Variants in ERC2 observed in about 807,000 individuals in gnomAD.
ERC2 encodes the protein ELKS/RAB6-interacting/CAST family member 2, also known as ERC protein 2.
Under a neutral mutation model 114.8 loss-of-function variants are expected in ERC2, and 42 were observed. The observed-to-expected ratio is 0.37, with a 90% CI of 0.29 to 0.47. ERC2 has a LOEUF of 0.47. ERC2 is among the 20% of genes least tolerant of loss of function. ERC2 has a pLI of 0.99. For synonymous variants in ERC2, 454 were observed against 425.5 expected, an observed-to-expected ratio of 1.07 and a Z score of -0.82; for missense variants, 939 against 1,150.7, an observed-to-expected ratio of 0.82 and a Z score of 2.66.
At position 55,734,860 on chromosome 3, in the gene ERC2, A is replaced by G. The variant is rs375615476; in HGVS notation, c.2623T>C (p.Leu875=). ...GTCTTTTTCTTTTTGGAGGCAGACAATTCCAGCAAGGCAATGTTTGCATCT... is the reference window on the plus strand; with the variant it reads ...GTCTTTTTCTTTTTGGAGGCAGACAGTTCCAGCAAGGCAATGTTTGCATCT... ...EKDANIALLE[L]SASKKKKTQE... The change falls in exon 15 of 18, where the codon TTG becomes CTG. Residue 875 remains leucine (L), a synonymous_variant. Transcript: ENST00000288221. 7.4e-6 allele frequency: 12 copies of G among 1,612,476 alleles called. No individual in the cohort carries two copies. The highest frequency in any genetic ancestry group is 2.2e-5 in the East Asian group (1 of 44,806).
At chr3:55,585,144 C>T (rs756862644) in intron 17 of ERC2, among the ~76,000 whole-genome samples, 1 of 152,196 alleles carries the variant, frequency 6.6e-6, no homozygotes, top group Admixed American at 6.5e-5. Flanking sequence ...TCAAACAGTG[C>T]CATCCATTCG....
chr3:56,156,805 T>A (rs150736389), intron 4 of ERC2, among the ~76,000 whole-genome samples: 25 of 152,274 alleles, frequency 1.6e-4, no homozygotes, highest in African/African-American at 6.0e-4. Flanking sequence ...ACTAACTGCA[T>A]CAAAATCATC....
At chr3:56,320,775 A>G (rs550192396) in intron 2 of ERC2, among the ~76,000 whole-genome samples, 1 of 152,350 alleles carries the variant, frequency 6.6e-6, no homozygotes, top group South Asian at 2.1e-4. Context: ...AATAATAATG[A>G]TGACAATTCC....
chr3:55,712,204 T>G (rs901447033), intron 15 of ERC2, among the ~76,000 whole-genome samples: 1 of 152,180 alleles, frequency 6.6e-6, no homozygotes, highest in Non-Finnish European at 1.5e-5. Context: ...TAATTGTATA[T>G]CTAAAGAAAA....
chr3:56,398,336 G>C (rs1180340833), intron 2 of ERC2, among the ~76,000 whole-genome samples: 1 of 152,086 alleles, frequency 6.6e-6, no homozygotes, highest in Non-Finnish European at 1.5e-5. Flanking sequence ...AGACCGAAAG[G>C]GGTAAAGTAA....
chr3:56,285,866 A>C (rs2054664531), intron 3 of ERC2, among the ~76,000 whole-genome samples: 1 of 152,158 alleles, frequency 6.6e-6, no homozygotes, highest in Non-Finnish European at 1.5e-5. Context: ...TTAAAAAGAG[A>C]AGGAGGAGGA....
rs114494640 is a variant in ERC2, at chr3:55,663,421, A to G, written c.*39+20373T>C. Among the ~76,000 whole-genome samples, 663 of 152,280 alleles carry G rather than the reference A, an allele frequency of 4.4e-3. 6 individuals carry two copies. The highest frequency in any genetic ancestry group is 0.015 in the African/African-American group (620 of 41,556). On this transcript the variant is annotated intron_variant, in intron 17 of 17. Coordinates refer to ENST00000288221, the MANE Select transcript of ERC2 (RefSeq NM_015576.3). ...ATGGCTAAGCTCCCTTTCAGTGCCA[A>G]CTTTCTGGCAATCTGTAAGTGGCCA... is the stretch of plus-strand genomic sequence containing the variant.
chr3:55,776,393 G>A (rs539796378), intron 14 of ERC2, among the ~76,000 whole-genome samples: 1 of 152,256 alleles, frequency 6.6e-6, no homozygotes, highest in East Asian at 1.9e-4. Flanking sequence ...TGTGACTAAG[G>A]ATGGAGCAGG....
intron 3 of ERC2, among the ~76,000 whole-genome samples, chr3:56,198,499 A>C (rs952171364): frequency 1.3e-5 from 2 of 152,312 alleles, no homozygotes; most frequent in African/African-American, 4.8e-5. Context: ...TGATAGGTAG[A>C]GAAAGAAGGG....
chr3:55,864,124 C>CATATATAT lies in ERC2; in HGVS notation c.2564+24264_2564+24265insATATATAT, dbSNP rs1559782663. On this transcript the variant is annotated intron_variant, in intron 14 of 17. Transcript: ENST00000288221. ...ATATATATATATATATATATACACA[C>CATATATAT]ACACATATATATATACATATATATA... Among the ~76,000 whole-genome samples the CATATATAT allele has an allele frequency of 2.9e-3, 399 of 139,514 alleles. 1 individual carries two copies. The highest frequency in any genetic ancestry group is 0.011 in the African/African-American group (374 of 34,582). 91.5% of individuals were successfully genotyped at this position (139,514 alleles called of 152,430 possible). A position where few individuals can be genotyped will look rare whatever the true frequency, so the allele number is the denominator to read the frequency against.
intron 4 of ERC2, among the ~76,000 whole-genome samples, chr3:56,167,964 A>G (rs992672105): frequency 1.3e-5 from 2 of 152,186 alleles, no homozygotes; most frequent in Non-Finnish European, 2.9e-5. Flanking sequence ...TCCATCTCTC[A>G]TGAGCTGCCT....
intron 7 of ERC2, among the ~76,000 whole-genome samples, chr3:56,054,978 C>A (rs547697802): frequency 6.6e-6 from 1 of 152,138 alleles, no homozygotes; most frequent in Non-Finnish European, 1.5e-5. Context: ...CATGGCAGTG[C>A]GATGTAATTC....
At chr3:56,347,891 T>C (rs987691692) in intron 2 of ERC2, among the ~76,000 whole-genome samples, 1 of 152,236 alleles carries the variant, frequency 6.6e-6, no homozygotes, top group Non-Finnish European at 1.5e-5. Context: ...TGGTTAATAA[T>C]TTTAAATATT....
chr3:55,828,148 A>G (rs1439882602), intron 14 of ERC2, among the ~76,000 whole-genome samples: 1 of 152,248 alleles, frequency 6.6e-6, no homozygotes, highest in Non-Finnish European at 1.5e-5. Flanking sequence ...AAGCTGCACA[A>G]TGGCAGGCAG....
chr3:55,752,768 G>A (rs1402759114), intron 14 of ERC2, among the ~76,000 whole-genome samples: 2 of 47,052 alleles, frequency 4.3e-5, no homozygotes, highest in African/African-American at 4.2e-4. Flanking sequence ...ATTCGAACCC[G>A]GGTATTTATA....
At chr3:55,588,942 G>T (rs1187071475) in intron 17 of ERC2, among the ~76,000 whole-genome samples, 1 of 152,040 alleles carries the variant, frequency 6.6e-6, no homozygotes, top group Admixed American at 6.5e-5. Context: ...GACCATTTTG[G>T]GGGTAACCAT....
intron 17 of ERC2, chr3:55,646,993 C>G (rs1411430159): frequency 6.6e-6 from 1 of 152,204 alleles, no homozygotes; most frequent in African/African-American, 2.4e-5. Flanking sequence ...CACAGGTGCA[C>G]AACCACTCTC....
chr3:56,015,280 T>C (rs2073228012), intron 8 of ERC2, among the ~76,000 whole-genome samples: 1 of 152,124 alleles, frequency 6.6e-6, no homozygotes, highest in Non-Finnish European at 1.5e-5. Flanking sequence ...ACGTGTGTAA[T>C]GGTGGTTTGC....
At chr3:55,886,563 A>G (rs894023845) in intron 14 of ERC2, among the ~76,000 whole-genome samples, 1 of 152,240 alleles carries the variant, frequency 6.6e-6, no homozygotes, top group African/African-American at 2.4e-5. Flanking sequence ...ACATGAATAC[A>G]TTCATAAATG....
Sources: allele counts gnomAD v4.1 joint callset (sites outside exome capture counted in the v4.1 genomes callset), GRCh38; gene constraint gnomAD v4.1.1; transcripts MANE v1.5; gene names NCBI Gene and HGNC (gene_info 2026-07-23, HGNC 2026-07-21).